The following OTUD7B variants were observed in gnomAD, a reference collection of about 807,000 sequenced individuals.
OTUD7B encodes OTU deubiquitinase 7B.
A neutral mutation model predicts 82.2 loss-of-function variants in OTUD7B; 34 were observed. The observed-to-expected ratio is 0.41, with a 90% CI of 0.31 to 0.55. The LOEUF (loss-of-function observed/expected upper bound fraction) is 0.55. OTUD7B is among the 20% of genes least tolerant of loss of function. The pLI is 0.20. For synonymous variants in OTUD7B, 398 were observed against 402.7 expected (o/e 0.99, Z 0.14); for missense variants, 944 against 1,062.1 (o/e 0.89, Z 1.55).
At chr1:150,035,007 G>C in the OTUD7B span, among the ~76,000 whole-genome samples, 1 of 151,998 alleles carries the variant, frequency 6.6e-6, no homozygotes, top group Non-Finnish European at 1.5e-5. Context: ...AGCCAGGCAT[G>C]GTGGTGTGCA....
At position 149,943,079 on chromosome 1, in the gene OTUD7B, C is replaced by G. The variant is rs1482249052; in HGVS notation, c.*778G>C. On this transcript the variant is annotated 3_prime_UTR_variant, in exon 12 of 12. Coordinates refer to ENST00000581312, the MANE Select transcript of OTUD7B (RefSeq NM_020205.4). ...AAATGCAACACACATGACGGCTGTT[C>G]TCACCACACTCTTCCCTTTAAACAA... 6.6e-6 allele frequency: 1 copy of G among 152,520 alleles called. No homozygotes were observed. The highest frequency in any genetic ancestry group is 1.5e-5 in the Non-Finnish European group (1 of 68,038). The allele number at this position is 152,520 out of a possible 1,614,324, so 9.4% of individuals were successfully genotyped here.
chr1:149,965,757 G>C lies in OTUD7B; in HGVS notation c.604+20C>G, dbSNP rs1553776429. On this transcript the variant is annotated intron_variant, in intron 5 of 11. Coordinates refer to ENST00000581312, the MANE Select transcript of OTUD7B (RefSeq NM_020205.4). ...TGCTTCCTTTCTGCAGGTGAATGGA[G>C]GACTGCTTTCAAGACTCACCAAGGG... 6.4e-7 allele frequency: 1 copy of C among 1,560,176 alleles called. No homozygotes were observed. The highest frequency in any genetic ancestry group is 8.8e-7 in the Non-Finnish European group (1 of 1,131,778).
At chr1:149,949,165 T>C in intron 9 of OTUD7B, 82 bp from the exon 10 acceptor site, 1 of 811,702 alleles carries the variant, frequency 1.2e-6, no homozygotes, top group Non-Finnish European at 2.1e-6. Flanking sequence ...ACTAAAATCA[T>C]ACTAAGGTCT....
chr1:150,065,090 C>CTT, the OTUD7B span, among the ~76,000 whole-genome samples: 82 of 148,122 alleles, frequency 5.5e-4, no homozygotes, highest in South Asian at 1.3e-3. Context: ...GTAAATAGTG[C>CTT]TTTTTTTTTT....
chr1:150,029,763 G>T, the OTUD7B span, among the ~76,000 whole-genome samples: 68,269 of 151,916 alleles, frequency 0.45, 17,425 homozygotes, highest in African/African-American at 0.7. Context: ...AGCAGGGAAG[G>T]TGCAATGGGT....
At chr1:149,978,693 CTT>C (rs1553779116) in intron 1 of OTUD7B, among the ~76,000 whole-genome samples, 1 of 152,178 alleles carries the variant, frequency 6.6e-6, no homozygotes, top group Non-Finnish European at 1.5e-5. Flanking sequence ...AAAAAGATCT[CTT>C]CTTTCAGACT....
chr1:149,945,038 T>C lies in OTUD7B; in HGVS notation c.1351A>G (p.Thr451Ala), dbSNP rs74880610. The change falls in exon 12 of 12, where the codon ACC becomes GCC. Residue 451 changes from threonine (T) to alanine (A), a missense_variant. Around this residue, in one of 3 missense-constraint regions of OTUD7B, gnomAD observed 530 missense variants for 625.6 expected, o/e 0.85. Transcript: ENST00000581312. The part of the protein sequence containing the change: ...QAPLAQPESP[T>A]ASAGDEPRST... ...CGGGGCTCATCTCCAGCTGAGGCGG[T>C]GGGGGACTCAGGCTGGGCCAGAGGA... 14 of 1,613,472 alleles carry C rather than the reference T, an allele frequency of 8.7e-6. No individual in the cohort carries two copies. The highest frequency in any genetic ancestry group is 1.1e-5 in the Non-Finnish European group (13 of 1,179,870).
chr1:150,051,143 C>T, the OTUD7B span, among the ~76,000 whole-genome samples: 1 of 149,072 alleles, frequency 6.7e-6, no homozygotes, highest in Non-Finnish European at 1.5e-5. Context: ...GCAGGAGAAT[C>T]GCTTGAACCC....
At chr1:149,976,530 G>T (rs887923552) in intron 2 of OTUD7B, among the ~76,000 whole-genome samples, 2 of 144,004 alleles carry the variant, frequency 1.4e-5, no homozygotes, top group African/African-American at 5.2e-5. Context: ...AGAATTGCAT[G>T]AACCCGGGAG....
chr1:149,980,071 G>C (rs1488482905), intron 1 of OTUD7B, among the ~76,000 whole-genome samples: 3 of 151,942 alleles, frequency 2.0e-5, no homozygotes, highest in African/African-American at 7.3e-5. Flanking sequence ...AGGCATACAG[G>C]CAATTTCACA....
chr1:150,014,107 G>A (rs1310275306), upstream of OTUD7B, among the ~76,000 whole-genome samples: 34 of 1,038 alleles, frequency 0.033, 2 homozygotes, highest in Non-Finnish European at 0.23. Flanking sequence ...TATATATATA[G>A]TAGGGGCTCA....
chr1:150,026,726 C>T, the OTUD7B span, among the ~76,000 whole-genome samples: 13 of 151,870 alleles, frequency 8.6e-5, no homozygotes, highest in African/African-American at 1.9e-4. Context: ...AAAGCCAGTA[C>T]GGAAAGAGAA....
intron 1 of OTUD7B, among the ~76,000 whole-genome samples, chr1:150,008,371 G>A (rs782380279): frequency 2.6e-5 from 4 of 152,188 alleles, no homozygotes; most frequent in East Asian, 1.9e-4. Flanking sequence ...TTAGATTTTC[G>A]TCTCCAAATT....
intron 1 of OTUD7B, among the ~76,000 whole-genome samples, chr1:150,001,807 G>T (rs1266150495): frequency 1.3e-5 from 2 of 152,140 alleles, no homozygotes; most frequent in Non-Finnish European, 2.9e-5. Context: ...CCAGAGAAAA[G>T]AATTTAAAAA....
chr1:149,980,395 T>C (rs868921052), intron 1 of OTUD7B, among the ~76,000 whole-genome samples: 1 of 151,936 alleles, frequency 6.6e-6, no homozygotes, highest in South Asian at 2.1e-4. Context: ...GCTTTTCAAA[T>C]TCCAAATGGA....
At chr1:150,037,578 G>A in the OTUD7B span, among the ~76,000 whole-genome samples, 2 of 152,008 alleles carry the variant, frequency 1.3e-5, no homozygotes, top group South Asian at 2.1e-4. Context: ...TACAGATGAA[G>A]TTTGTATCTA....
the OTUD7B span, among the ~76,000 whole-genome samples, chr1:150,062,708 C>CTTTTTTTTTTTTTTTTTTTT: frequency 3.1e-5 from 3 of 96,056 alleles, no homozygotes; most frequent in African/African-American, 1.2e-4. Context: ...CTTCTTCTTT[C>CTTTTTTTTTTTTTTTTTTTT]TTTTTTTTTT....
chr1:149,948,459 C>A (rs1443410400), intron 10 of OTUD7B, among the ~76,000 whole-genome samples: 1 of 150,366 alleles, frequency 6.7e-6, no homozygotes, highest in Non-Finnish European at 1.5e-5. Context: ...GCAACCCCTG[C>A]CTCCTGGGTT....
chr1:149,955,020 G>T (rs1473399490), intron 7 of OTUD7B, among the ~76,000 whole-genome samples: 1 of 152,080 alleles, frequency 6.6e-6, no homozygotes, highest in Admixed American at 6.5e-5. Context: ...ATTTTTTGAA[G>T]GGTTTTTTGT....
Sources: gnomAD v4.1 joint callset for allele counts (sites outside exome capture counted in the v4.1 genomes callset) on GRCh38, gnomAD v4.1.1 for gene constraint, gnomAD v4.1.1 regional missense constraint, MANE v1.5 for transcripts, NCBI Gene and HGNC (gene_info 2026-07-23, HGNC 2026-07-21) for gene names.